Variants in JARID2 observed in about 807,000 individuals in gnomAD.
JARID2 encodes the protein protein Jumonji.
Under a neutral mutation model 125.6 loss-of-function variants are expected in JARID2, and 21 were observed. That is an observed-to-expected ratio of 0.17 (90% CI 0.12 to 0.24). The LOEUF is 0.24. JARID2 is among the 10% of genes least tolerant of loss of function. The probability of loss-of-function intolerance (pLI) is 1.00; values close to 1 mark genes in which losing one functional copy is unlikely to be tolerated. For synonymous variants in JARID2, 736 were observed against 661.6 expected, an observed-to-expected ratio of 1.11 and a Z score of -1.73; for missense variants, 1,303 against 1,639.6, an observed-to-expected ratio of 0.79 and a Z score of 3.55.
intron 3 of JARID2, among the ~76,000 whole-genome samples, chr6:15,424,295 T>G (rs540932984): frequency 3.1e-4 from 41 of 130,602 alleles, no homozygotes; most frequent in South Asian, 4.7e-4. Flanking sequence ...CTTCAAGCCC[T>G]TCTTGGCTTA....
In JARID2 at chr6:15,384,088, C is replaced by T. The variant is rs115613446; in HGVS notation, c.181+9836C>T. 7.5e-3 allele frequency among the ~76,000 whole-genome samples: 1,143 copies of T among 152,308 alleles called. 15 individuals are homozygous for T. Among genetic ancestry groups the T allele is most frequent in the African/African-American group, 0.026 (1,084 of 41,562 alleles). On this transcript the variant is annotated intron_variant, in intron 2 of 17. Coordinates refer to ENST00000341776, the MANE Select transcript of JARID2 (RefSeq NM_004973.4). Reference sequence around the variant, plus strand: ...GGATTATAGGCGTGAGCCACCGTGCCCAACCTATTTTTTTATTTTTATTTT... The same window carrying T: ...GGATTATAGGCGTGAGCCACCGTGCTCAACCTATTTTTTTATTTTTATTTT...
At chr6:15,370,335 T>C (rs941167907) in intron 1 of JARID2, among the ~76,000 whole-genome samples, 1 of 140,210 alleles carries the variant, frequency 7.1e-6, no homozygotes, top group African/African-American at 3.1e-5. Flanking sequence ...GGGCTGTTTT[T>C]TTTTTTTTTT....
At chr6:15,393,531 A>G (rs1561833722) in intron 2 of JARID2, among the ~76,000 whole-genome samples, 1 of 152,338 alleles carries the variant, frequency 6.6e-6, no homozygotes, top group East Asian at 1.9e-4. Flanking sequence ...CCATATTACT[A>G]AAGAAAGTCA....
chr6:15,264,419 T>A (rs1460672247), intron 1 of JARID2, among the ~76,000 whole-genome samples: 1 of 152,182 alleles, frequency 6.6e-6, no homozygotes, highest in African/African-American at 2.4e-5. Context: ...TTACTAATGG[T>A]ATTAATCATG....
At position 15,386,199 on chromosome 6, in the gene JARID2, C is replaced by T. The variant is rs1258795519; in HGVS notation, c.181+11947C>T. 2.6e-5 allele frequency among the ~76,000 whole-genome samples: 4 copies of T among 152,220 alleles called. No homozygotes were observed. In the East Asian group the frequency reaches 7.7e-4, roughly 29 times the overall value. On this transcript the variant is annotated intron_variant, in intron 2 of 17. Coordinates refer to ENST00000341776, the MANE Select transcript of JARID2 (RefSeq NM_004973.4). ...AAGTGGTCAAATCAGGGTTTGAGCCCAGGTCTTCTGACTCCAGATAGCTAT... is the reference window on the plus strand; with the variant it reads ...AAGTGGTCAAATCAGGGTTTGAGCCTAGGTCTTCTGACTCCAGATAGCTAT...
At chr6:15,484,100 G>T (rs1023876290) in intron 5 of JARID2, among the ~76,000 whole-genome samples, 5 of 152,204 alleles carry the variant, frequency 3.3e-5, no homozygotes, top group African/African-American at 9.7e-5. Flanking sequence ...CACATCTCCT[G>T]CAAGGGTTTC....
At chr6:15,287,136 A>G (rs60830559) in intron 1 of JARID2, among the ~76,000 whole-genome samples, 4 of 149,136 alleles carry the variant, frequency 2.7e-5, no homozygotes, top group Non-Finnish European at 4.4e-5. Context: ...TCAAAAAAAA[A>G]GAAAACACAA....
Position 15,493,324 on chromosome 6 carries a change from T to A in JARID2, c.907-2808T>A, listed in dbSNP as rs904149018. Among the ~76,000 whole-genome samples, 7 of 152,164 alleles carry A rather than the reference T, an allele frequency of 4.6e-5. No homozygotes were observed. In the East Asian group the frequency reaches 1.3e-3, roughly 29 times the overall value. On this transcript the variant is annotated intron_variant, in intron 6 of 17. Coordinates refer to ENST00000341776, the MANE Select transcript of JARID2 (RefSeq NM_004973.4). ...AGAATCTAGAGGGAAGGGATTTACA[T>A]TATTTTGAAGCTCCCCTAAGGGTTT... is the stretch of plus-strand genomic sequence containing the variant.
intron 1 of JARID2, chr6:15,248,270 GGCGC>G (rs566059888): frequency 6.0e-6 from 1 of 166,142 alleles, no homozygotes; most frequent in Non-Finnish European, 1.2e-5. Flanking sequence ...TGGGCGGGCG[GGCGC>G]GCGCGCGCGG....
intron 2 of JARID2, among the ~76,000 whole-genome samples, chr6:15,379,625 C>T (rs1414941544): frequency 6.6e-6 from 1 of 152,212 alleles, no homozygotes; most frequent in African/African-American, 2.4e-5. Context: ...ACCCTGGATT[C>T]ATTTCCTTAA....
At chr6:15,308,948 C>G (rs188768379) in intron 1 of JARID2, among the ~76,000 whole-genome samples, 1 of 152,188 alleles carries the variant, frequency 6.6e-6, no homozygotes, top group Non-Finnish European at 1.5e-5. Context: ...GGGTGGAAAT[C>G]GTAGTAGTTG....
At chr6:15,425,180 G>A (rs1766671828) in intron 3 of JARID2, among the ~76,000 whole-genome samples, 3 of 152,132 alleles carry the variant, frequency 2.0e-5, no homozygotes, top group Admixed American at 2.0e-4. Flanking sequence ...TAGTATAGTT[G>A]TACCTTCAAA....
intron 6 of JARID2, among the ~76,000 whole-genome samples, chr6:15,491,434 C>A (rs868371741): frequency 6.6e-6 from 1 of 152,242 alleles, no homozygotes; most frequent in South Asian, 2.1e-4. Flanking sequence ...CAGTGCATTT[C>A]GCTTCTGTTT....
At chr6:15,373,059 A>G (rs1222249862) in intron 1 of JARID2, among the ~76,000 whole-genome samples, 3 of 152,226 alleles carry the variant, frequency 2.0e-5, no homozygotes, top group African/African-American at 4.8e-5. Context: ...AGTCTGATGT[A>G]GGTGTGTGAA....
In JARID2 at chr6:15,520,657, C is replaced by T. The variant is rs1376046846; in HGVS notation, c.*406C>T. ...ATTTAAAAACCATCAGTCATGTGAG[C>T]AGATTTTTTAGAAGGGATAGGAGAC... On this transcript the variant is annotated 3_prime_UTR_variant, in exon 18 of 18. Coordinates refer to ENST00000341776, the MANE Select transcript of JARID2 (RefSeq NM_004973.4). The T allele has an allele frequency of 6.6e-6, 2 of 303,930 alleles. No homozygotes were observed. The highest frequency in any genetic ancestry group is 1.4e-5 in the Non-Finnish European group (2 of 144,944). The allele number at this position is 303,930 out of a possible 1,614,324, so 18.8% of individuals were successfully genotyped here.
rs1771043435 is a variant in JARID2 at position 15,507,118 on chromosome 6, C to G, written c.2542-18C>G. On this transcript the variant is annotated intron_variant, in intron 9 of 17. Coordinates refer to ENST00000341776, the MANE Select transcript of JARID2 (RefSeq NM_004973.4). ...AGCACCTTAGGGGTGCTGACCAGCCCTTTCCTGTTCCCTGCAGCAAGAGTA... is the reference window on the plus strand; with the variant it reads ...AGCACCTTAGGGGTGCTGACCAGCCGTTTCCTGTTCCCTGCAGCAAGAGTA... 6.5e-7 allele frequency: 1 copy of G among 1,546,496 alleles called. No homozygotes were observed. The highest frequency in any genetic ancestry group is 8.9e-7 in the Non-Finnish European group (1 of 1,118,690).
rs564449408 is a variant in JARID2, at chr6:15,483,936, T to A, written c.671-3371T>A. On this transcript the variant is annotated intron_variant, in intron 5 of 17. Coordinates refer to ENST00000341776, the MANE Select transcript of JARID2 (RefSeq NM_004973.4). ...TCCATCTTTATGATATGACTTTACA[T>A]CCTAGTCGATGTAAAGTGGTGTATC... Among the ~76,000 whole-genome samples the A allele has an allele frequency of 5.7e-4, 87 of 152,352 alleles. 3 individuals carry two copies. In the South Asian group the frequency reaches 0.018, roughly 31 times the overall value.
intron 8 of JARID2, among the ~76,000 whole-genome samples, chr6:15,503,620 G>C (rs1194965335): frequency 6.6e-6 from 1 of 152,170 alleles, no homozygotes; most frequent in Non-Finnish European, 1.5e-5. Flanking sequence ...CTGAATGGAA[G>C]CTCCTCGAGG....
At position 15,246,196 on chromosome 6, in the gene JARID2, C is replaced by T. The variant is rs912911283; in HGVS notation, c.-344C>T. The T allele has an allele frequency of 4.3e-6, 2 of 464,344 alleles. No individual in the cohort carries two copies. The highest frequency in any genetic ancestry group is 4.1e-5 in the African/African-American group (2 of 48,792). 28.8% of individuals were successfully genotyped at this position (464,344 alleles called of 1,614,324 possible). On this transcript the variant is annotated 5_prime_UTR_variant, in exon 1 of 18. Transcript: ENST00000341776. ...AGACACTAAGGACCTTCACGTTTCGCTGATGTAGTTTTTGGAGGAAAAAGG... is the reference window on the plus strand; with the variant it reads ...AGACACTAAGGACCTTCACGTTTCGTTGATGTAGTTTTTGGAGGAAAAAGG...
Sources: allele counts gnomAD v4.1 joint callset (sites outside exome capture counted in the v4.1 genomes callset), GRCh38; gene constraint gnomAD v4.1.1; transcripts MANE v1.5; gene names NCBI Gene and HGNC (gene_info 2026-07-23, HGNC 2026-07-21).